Variants in GPR141 observed in about 807,000 individuals in gnomAD.
GPR141 encodes the protein probable G protein-coupled receptor 141.
In GPR141, 6 loss-of-function variants were observed where a neutral mutation model predicts 6.8. The observed-to-expected ratio is 0.88, with a 90% CI of 0.48 to 1.74. The LOEUF (loss-of-function observed/expected upper bound fraction) is 1.74, where lower values mean the gene tolerates loss of function less well. GPR141 is among the 40% of genes most tolerant of loss of function. GPR141 has a pLI of 0.01. For synonymous variants in GPR141, 140 were observed against 142.3 expected (o/e 0.98, Z 0.11); for missense variants, 372 against 372.9 (o/e 1.00, Z 0.02).
intron 2 of GPR141, among the ~76,000 whole-genome samples, chr7:37,735,692 G>A (rs1228644970): frequency 6.6e-6 from 1 of 151,640 alleles, no homozygotes; most frequent in Admixed American, 6.6e-5. Flanking sequence ...CATATCAAAG[G>A]AAAAGATTAC....
intron 2 of GPR141, among the ~76,000 whole-genome samples, chr7:37,733,901 G>A (rs767238232): frequency 5.3e-5 from 8 of 152,024 alleles, no homozygotes; most frequent in Non-Finnish European, 1.0e-4. Context: ...GCCGAGTATC[G>A]TGCCCCATGC....
chr7:37,708,946 A>G (rs1379305142), intron 2 of GPR141, among the ~76,000 whole-genome samples: 2 of 152,186 alleles, frequency 1.3e-5, no homozygotes, highest in Non-Finnish European at 2.9e-5. Flanking sequence ...TATGTGCTAA[A>G]TGACTCTGAA....
In GPR141 at chr7:37,741,003, A is replaced by T. The variant is rs146529395; in HGVS notation, c.610A>T (p.Ile204Phe). 1.2e-5 allele frequency: 20 copies of T among 1,614,034 alleles called. No individual in the cohort carries two copies. The highest frequency in any genetic ancestry group is 1.6e-5 in the Non-Finnish European group (19 of 1,179,958). ...VILLVFQVFI[I>F]MLMVQKLRHS... is the part of the protein sequence containing the mutation. The stretch of plus-strand genomic sequence containing the variant: ...TCTGTTGGTCTTCCAGGTCTTCATC[A>T]TTATGTTGATGGTGCAGAAGCTACG... Residue 204 changes from isoleucine (I) to phenylalanine (F), a missense_variant, in exon 3 of 3, where the codon ATT becomes TTT. Physicochemically the swap from Ile to Phe is conservative, Grantham distance 21. Coordinates refer to ENST00000334425, the MANE Select transcript of GPR141 (RefSeq NM_001381946.1).
chr7:37,735,551 A>C (rs905706747), intron 2 of GPR141, among the ~76,000 whole-genome samples: 1 of 152,228 alleles, frequency 6.6e-6, no homozygotes, highest in Non-Finnish European at 1.5e-5. Context: ...CTAGAACTGC[A>C]AACAAGGCTT....
rs1290889222 is a variant in GPR141 at position 37,742,762 on chromosome 7, T to C, written c.*1451T>C. ...AATAACTAATGGGAACTAGGCTTAA[T>C]ACTCGGGATGAAATAATCTGTACAA... is the stretch of plus-strand genomic sequence containing the variant. On this transcript the variant is annotated 3_prime_UTR_variant, in exon 3 of 3. Transcript: ENST00000334425. Among the ~76,000 whole-genome samples the C allele has an allele frequency of 6.6e-6, 1 of 152,132 alleles. No individual in the cohort carries two copies. The highest frequency in any genetic ancestry group is 1.5e-5 in the Non-Finnish European group (1 of 68,012).
At chr7:37,739,292 T>C (rs1812410503) in intron 2 of GPR141, among the ~76,000 whole-genome samples, 1 of 152,228 alleles carries the variant, frequency 6.6e-6, no homozygotes, top group Non-Finnish European at 1.5e-5. Flanking sequence ...GTCTCCCTGG[T>C]GTCAGTAGAC....
At chr7:37,732,535 A>C (rs1812019547) in intron 2 of GPR141, among the ~76,000 whole-genome samples, 1 of 152,144 alleles carries the variant, frequency 6.6e-6, no homozygotes, top group Non-Finnish European at 1.5e-5. Context: ...TAAAAAAGGA[A>C]TTTGGAAGTT....
chr7:37,729,536 C>G (rs1403835773), intron 2 of GPR141, among the ~76,000 whole-genome samples: 1 of 152,154 alleles, frequency 6.6e-6, no homozygotes, highest in African/African-American at 2.4e-5. Flanking sequence ...AAATTATATG[C>G]TAGTTTTGAA....
chr7:37,699,609 T>C (rs1007367544), intron 2 of GPR141, among the ~76,000 whole-genome samples: 4 of 152,186 alleles, frequency 2.6e-5, no homozygotes, highest in African/African-American at 9.7e-5. Flanking sequence ...AGTAAAACTT[T>C]ATTTATAAAA....
intron 2 of GPR141, among the ~76,000 whole-genome samples, chr7:37,733,792 G>A (rs1583575995): frequency 6.6e-6 from 1 of 152,114 alleles, no homozygotes; most frequent in East Asian, 1.9e-4. Flanking sequence ...ACAGAAGTTT[G>A]CAGGAATTTT....
chr7:37,696,675 A>C (rs1645728058), intron 2 of GPR141, among the ~76,000 whole-genome samples: 1 of 151,952 alleles, frequency 6.6e-6, no homozygotes, highest in Non-Finnish European at 1.5e-5. Context: ...AGATAATTTT[A>C]GTTTAGGTTT....
At chr7:37,733,716 G>A (rs1812099639) in intron 2 of GPR141, among the ~76,000 whole-genome samples, 1 of 150,598 alleles carries the variant, frequency 6.6e-6, no homozygotes. Flanking sequence ...AAAAAGTATT[G>A]CTAGGATTAG....
At chr7:37,714,251 T>G (rs1251798032) in intron 2 of GPR141, among the ~76,000 whole-genome samples, 2 of 152,024 alleles carry the variant, frequency 1.3e-5, no homozygotes, top group Admixed American at 6.5e-5. Flanking sequence ...GGGACTGGGA[T>G]GCAGACTCTG....
rs1809462310 is a variant in GPR141 at position 37,685,487 on chromosome 7, AG to A, written c.-110del. 6.9e-6 allele frequency: 1 copy of A among 144,852 alleles called. No individual in the cohort carries two copies. The highest frequency in any genetic ancestry group is 2.3e-4 in the South Asian group (1 of 4,406). 9.0% of individuals were successfully genotyped at this position (144,852 alleles called of 1,614,324 possible). Reference sequence around the variant, plus strand: ...CCTTTCTCTCTGTTGCCCAGGCTGGAGTTTAGCGACTCAATCATGGCTCACT... The same window carrying A: ...CCTTTCTCTCTGTTGCCCAGGCTGGATTTAGCGACTCAATCATGGCTCACT... On this transcript the variant is annotated 5_prime_UTR_variant, in exon 2 of 3. The change abolishes the stop of an existing upstream ORF in the 5' untranslated region. Transcript: ENST00000334425.
chr7:37,704,540 C>G (rs1459899627), intron 2 of GPR141, among the ~76,000 whole-genome samples: 3 of 152,046 alleles, frequency 2.0e-5, no homozygotes, highest in Non-Finnish European at 4.4e-5. Context: ...GAAACCACCC[C>G]CATGATTCAA....
chr7:37,737,630 G>T (rs531818809), intron 2 of GPR141, among the ~76,000 whole-genome samples: 78 of 151,322 alleles, frequency 5.2e-4, no homozygotes, highest in Admixed American at 5.1e-3. Context: ...TTTTCTATAT[G>T]GCCCAAGAAA....
intron 2 of GPR141, among the ~76,000 whole-genome samples, chr7:37,691,811 C>T (rs914507987): frequency 1.3e-5 from 2 of 151,440 alleles, no homozygotes; most frequent in African/African-American, 4.9e-5. Flanking sequence ...GGAGTTTTTT[C>T]CCCCCCTTTA....
intron 2 of GPR141, among the ~76,000 whole-genome samples, chr7:37,734,900 G>T (rs530137801): frequency 9.2e-5 from 14 of 152,312 alleles, no homozygotes; most frequent in African/African-American, 3.4e-4. Flanking sequence ...GCAGGGATTA[G>T]ATGATGCACT....
intron 2 of GPR141, among the ~76,000 whole-genome samples, chr7:37,724,559 T>G (rs1026071575): frequency 4.6e-5 from 7 of 152,198 alleles, no homozygotes; most frequent in Non-Finnish European, 8.8e-5. Context: ...TACACTGAGC[T>G]CGTCCTTAAT....
Sources: gnomAD v4.1 joint callset for allele counts (sites outside exome capture counted in the v4.1 genomes callset) on GRCh38, gnomAD v4.1.1 for gene constraint, MANE v1.5 for transcripts, NCBI Gene and HGNC (gene_info 2026-07-23, HGNC 2026-07-21) for gene names.